GRIK4: variants seen among roughly 807,000 people sequenced by gnomAD.
The protein encoded by GRIK4 is glutamate ionotropic receptor kainate type subunit 4.
GRIK4 carries 40 observed loss-of-function variants against 104.9 expected under a neutral mutation model. That is an observed-to-expected ratio of 0.38 (90% confidence interval 0.30 to 0.50). The LOEUF is 0.50. Among genes scored for constraint, GRIK4 ranks in the 20% least tolerant of loss-of-function variants. The pLI is 0.93. For synonymous variants in GRIK4, 485 were observed against 524.9 expected (o/e 0.92, Z 1.04); for missense variants, 1,047 against 1,308.1 (o/e 0.80, Z 3.08).
chr11:120,895,568 C>T (rs2134468382), intron 11 of GRIK4, among the ~76,000 whole-genome samples: 1 of 152,262 alleles, frequency 6.6e-6, no homozygotes, highest in Non-Finnish European at 1.5e-5. Flanking sequence ...CCCGGTTAGC[C>T]TGGCCTGCTT....
intron 1 of GRIK4, among the ~76,000 whole-genome samples, chr11:120,649,322 G>A (rs1035362173): frequency 6.6e-6 from 1 of 152,062 alleles, no homozygotes; most frequent in Admixed American, 6.5e-5. Context: ...AAAAAAGATA[G>A]GGCCTACTTT....
rs111287349 is a variant in GRIK4, at chr11:120,767,579, T to C, written c.83-35114T>C. On this transcript the variant is annotated intron_variant, in intron 3 of 20. Coordinates refer to ENST00000527524, the MANE Select transcript of GRIK4 (RefSeq NM_014619.5). Reference sequence around the variant, plus strand: ...AGTCCCATTTATTTATTTTTGCTTTTGTAGCCTGAGCTTTTGGTGTGCTAT... The same window carrying C: ...AGTCCCATTTATTTATTTTTGCTTTCGTAGCCTGAGCTTTTGGTGTGCTAT... Among the ~76,000 whole-genome samples the C allele has an allele frequency of 3.1e-3, 475 of 152,346 alleles. 3 individuals are homozygous for C. Among genetic ancestry groups the C allele is most frequent in the African/African-American group, 0.011 (451 of 41,578 alleles).
intron 13 of GRIK4, among the ~76,000 whole-genome samples, chr11:120,912,852 A>T (rs939575410): frequency 6.6e-6 from 1 of 152,222 alleles, no homozygotes; most frequent in African/African-American, 2.4e-5. Context: ...TGGCAGTGTC[A>T]GTAAAAGGTA....
At chr11:120,887,639 A>G (rs939379919) in intron 11 of GRIK4, among the ~76,000 whole-genome samples, 15 of 152,344 alleles carry the variant, frequency 9.8e-5, no homozygotes, top group Non-Finnish European at 1.5e-4. Flanking sequence ...CACAAACGGG[A>G]ATTTATTCAC....
At chr11:120,941,676 G>C (rs528887855) in intron 14 of GRIK4, among the ~76,000 whole-genome samples, 93 of 152,230 alleles carry the variant, frequency 6.1e-4, no homozygotes, top group Middle Eastern at 3.4e-3. Context: ...ACACATAGAG[G>C]AGAATGCCTT....
intron 3 of GRIK4, among the ~76,000 whole-genome samples, chr11:120,695,076 A>G (rs1196623369): frequency 6.6e-6 from 1 of 152,124 alleles, no homozygotes; most frequent in Admixed American, 6.5e-5. Flanking sequence ...GCCCTGTGCT[A>G]CTTACAATCC....
At chr11:120,716,571 A>C (rs1950839309) in intron 3 of GRIK4, among the ~76,000 whole-genome samples, 1 of 152,176 alleles carries the variant, frequency 6.6e-6, no homozygotes, top group Non-Finnish European at 1.5e-5. Context: ...AGTGACTGCT[A>C]TGTGCAGGCT....
At chr11:120,709,029 T>C (rs1950678701) in intron 3 of GRIK4, among the ~76,000 whole-genome samples, 1 of 152,156 alleles carries the variant, frequency 6.6e-6, no homozygotes, top group African/African-American at 2.4e-5. Flanking sequence ...ATGTGAGATG[T>C]ATAAATAGCC....
chr11:120,577,930 A>C (rs1948506823), intron 1 of GRIK4, among the ~76,000 whole-genome samples: 1 of 152,134 alleles, frequency 6.6e-6, no homozygotes, highest in Non-Finnish European at 1.5e-5. Context: ...CACAGCCCAG[A>C]CTTCCTTTCC....
At position 120,660,372 on chromosome 11, in the gene GRIK4, C is replaced by A. The variant is rs770228738; in HGVS notation, c.54C>A (p.Val18=). 6 of 1,612,972 alleles carry A rather than the reference C, an allele frequency of 3.7e-6. No homozygotes were observed. Among genetic ancestry groups the A allele is most frequent in the Non-Finnish European group, 5.1e-6 (6 of 1,179,908 alleles). Residue 18 remains valine (V), a synonymous_variant, in exon 3 of 21, where the codon GTC becomes GTA. Transcript: ENST00000527524. ...TGCTTCCTGCGTGGCTCGTGATGGT[C>A]GCCTGCAGCCCGCACTCCTTGAGGA... The part of the protein sequence containing the change: ...LVLLPAWLVM[V]ACSPHSLRIA...
intron 1 of GRIK4, among the ~76,000 whole-genome samples, chr11:120,602,097 G>A (rs545432070): frequency 4.6e-5 from 7 of 151,964 alleles, no homozygotes; most frequent in African/African-American, 7.3e-5. Context: ...TGCCTTCCCC[G>A]GGCTCTCATC....
In GRIK4 at chr11:120,921,511, A is replaced by G. The variant is rs369091268; in HGVS notation, c.1476+16018A>G. Among the ~76,000 whole-genome samples, 18 of 152,332 alleles carry G rather than the reference A, an allele frequency of 1.2e-4. No individual in the cohort carries two copies. The East Asian group carries it at 3.3e-3, about 28-fold the overall frequency. On this transcript the variant is annotated intron_variant, in intron 13 of 20. Coordinates refer to ENST00000527524, the MANE Select transcript of GRIK4 (RefSeq NM_014619.5). Reference sequence around the variant, plus strand: ...TTGCTAACAGGGAAAGCACAGCAGCAGTCCAGGTGTACCGGTGCGTTTAGC... The same window carrying G: ...TTGCTAACAGGGAAAGCACAGCAGCGGTCCAGGTGTACCGGTGCGTTTAGC...
chr11:120,789,389 C>G (rs1952351620), intron 3 of GRIK4, among the ~76,000 whole-genome samples: 1 of 152,036 alleles, frequency 6.6e-6, no homozygotes, highest in Non-Finnish European at 1.5e-5. Flanking sequence ...TTACCTCATC[C>G]CAACCCCCAC....
At chr11:120,947,350 C>T (rs548126246) in intron 14 of GRIK4, among the ~76,000 whole-genome samples, 32 of 149,362 alleles carry the variant, frequency 2.1e-4, no homozygotes, top group South Asian at 6.4e-4. Context: ...TGTAGTGAGC[C>T]GAGATTGCAA....
chr11:120,985,146 TC>T (rs1944719417), intron 20 of GRIK4, among the ~76,000 whole-genome samples: 1 of 152,102 alleles, frequency 6.6e-6, no homozygotes, highest in South Asian at 2.1e-4. Context: ...GTATTCTTCA[TC>T]CACAGTTCTG....
At chr11:120,668,214 G>A (rs564874189) in intron 3 of GRIK4, among the ~76,000 whole-genome samples, 37 of 151,494 alleles carry the variant, frequency 2.4e-4, no homozygotes, top group Admixed American at 4.6e-4. Context: ...CAGACAGACA[G>A]AGAAAGAGGT....
intron 13 of GRIK4, among the ~76,000 whole-genome samples, chr11:120,906,462 C>T (rs1942869006): frequency 6.6e-6 from 1 of 152,162 alleles, no homozygotes; most frequent in Non-Finnish European, 1.5e-5. Context: ...GTTGTTAGTC[C>T]CACTTTACAA....
At chr11:120,970,885 T>A (rs147246787) in intron 19 of GRIK4, among the ~76,000 whole-genome samples, 54 of 152,316 alleles carry the variant, frequency 3.5e-4, no homozygotes, top group African/African-American at 1.2e-3. Context: ...AGGTTTTGAA[T>A]GGACATTGGG....
intron 8 of GRIK4, among the ~76,000 whole-genome samples, chr11:120,860,017 G>A (rs1456272176): frequency 6.6e-6 from 1 of 152,174 alleles, no homozygotes; most frequent in Admixed American, 6.5e-5. Context: ...GTGGCGCCAG[G>A]GGCCTACAGC....
Sources: gnomAD v4.1 joint callset for allele counts (sites outside exome capture counted in the v4.1 genomes callset) on GRCh38, gnomAD v4.1.1 for gene constraint, MANE v1.5 for transcripts, NCBI Gene and HGNC (gene_info 2026-07-23, HGNC 2026-07-21) for gene names.